Variants in DENND1A observed in about 807,000 individuals in gnomAD.
The protein encoded by DENND1A is DENN domain-containing protein 1A.
Under a neutral mutation model 113.7 loss-of-function variants are expected in DENND1A, and 51 were observed. That is an observed-to-expected ratio of 0.45 (90% confidence interval 0.36 to 0.57). The LOEUF (loss-of-function observed/expected upper bound fraction) is 0.57, where lower values mean the gene tolerates loss of function less well. DENND1A is among the 20% of genes least tolerant of loss of function. The pLI is 0.00. For synonymous variants in DENND1A, 565 were observed against 570.8 expected, an observed-to-expected ratio of 0.99 and a Z score of 0.14; for missense variants, 1,258 against 1,395.9, an observed-to-expected ratio of 0.90 and a Z score of 1.57.
At position 123,393,768 on chromosome 9, in the gene DENND1A, C is replaced by T. The variant is rs934734362; in HGVS notation, c.1632-5910G>A. Reference sequence around the variant, plus strand: ...CAGGTGAATATCTACTTAAAAGCAACGACGATAAGAATTCTTGTTGCCACA... The same window carrying T: ...CAGGTGAATATCTACTTAAAAGCAATGACGATAAGAATTCTTGTTGCCACA... On this transcript the variant is annotated intron_variant, in intron 21 of 23. Transcript: ENST00000394215. Among the ~76,000 whole-genome samples the T allele has an allele frequency of 5.3e-5, 8 of 152,258 alleles. 1 individual carries two copies. In the South Asian group the frequency reaches 6.2e-4, roughly 12 times the overall value.
At chr9:123,803,927 G>C (rs1564301558) in intron 2 of DENND1A, among the ~76,000 whole-genome samples, 1 of 152,120 alleles carries the variant, frequency 6.6e-6, no homozygotes, top group East Asian at 1.9e-4. Flanking sequence ...CCACACCAAT[G>C]ACCTTCTTTT....
At chr9:123,760,516 G>A (rs1404872280) in intron 4 of DENND1A, among the ~76,000 whole-genome samples, 3 of 152,162 alleles carry the variant, frequency 2.0e-5, no homozygotes, top group South Asian at 4.1e-4. Flanking sequence ...CAATTTAAAA[G>A]CAACGTGGTC....
At chr9:123,431,868 A>C (rs763189694) in intron 19 of DENND1A, among the ~76,000 whole-genome samples, 63 of 152,180 alleles carry the variant, frequency 4.1e-4, no homozygotes, top group Non-Finnish European at 6.2e-4. Context: ...TATAGTGCTC[A>C]AGTCCTAGAA....
In DENND1A at chr9:123,620,232, A is replaced by AAAAAAAAAAAAAAAAAAAAAAAAAAAAG. The variant is rs1554916729; in HGVS notation, c.719+10143_719+10144insCTTTTTTTTTTTTTTTTTTTTTTTTTTT. Among the ~76,000 whole-genome samples the AAAAAAAAAAAAAAAAAAAAAAAAAAAAG allele has an allele frequency of 2.5e-4, 29 of 114,402 alleles. 1 individual carries two copies. Among genetic ancestry groups the AAAAAAAAAAAAAAAAAAAAAAAAAAAAG allele is most frequent in the African/African-American group, 6.3e-4 (17 of 26,862 alleles). The allele number at this position is 114,402 out of a possible 152,430, so 75.1% of individuals were successfully genotyped here. A position where few individuals can be genotyped will look rare whatever the true frequency, so the allele number is the denominator to read the frequency against. On this transcript the variant is annotated intron_variant, in intron 10 of 23. Transcript: ENST00000394215. ...CCATCTCAAAAAAAAAAAAAAAAAA[A>AAAAAAAAAAAAAAAAAAAAAAAAAAAAG]AAAAAAGAAAAGAAAAAGAAAAAAA...
chr9:123,467,021 A>T (rs576050261), intron 13 of DENND1A, among the ~76,000 whole-genome samples: 1 of 152,312 alleles, frequency 6.6e-6, no homozygotes, highest in African/African-American at 2.4e-5. Flanking sequence ...ACTGCACTTC[A>T]GCCTGGGTGA....
In DENND1A at chr9:123,671,000, A is replaced by T. The variant is rs541294864; in HGVS notation, c.453+291T>A. Among the ~76,000 whole-genome samples, 9 of 152,272 alleles carry T rather than the reference A, an allele frequency of 5.9e-5. No homozygotes were observed. In the South Asian group the frequency reaches 1.9e-3, roughly 32 times the overall value. ...GGACAGGGACTGAAGAAGCAGGCGG[A>T]GCCAGCTGTCCTATTTCAGCCCAGC... On this transcript the variant is annotated intron_variant, in intron 7 of 23. Transcript: ENST00000394215.
rs138161011 is a variant in DENND1A at position 123,581,776 on chromosome 9, T to C, written c.867+1393A>G. Among the ~76,000 whole-genome samples the C allele has an allele frequency of 2.2e-4, 34 of 152,244 alleles. No individual in the cohort carries two copies. In the East Asian group the frequency reaches 5.4e-3, roughly 24 times the overall value. Reference sequence around the variant, plus strand: ...AAAACACTTCCCCGACCAGGACACATATGAGCACCACATGGCCAGGAACAA... The same window carrying C: ...AAAACACTTCCCCGACCAGGACACACATGAGCACCACATGGCCAGGAACAA... On this transcript the variant is annotated intron_variant, in intron 12 of 23. Coordinates refer to ENST00000394215, the MANE Select transcript of DENND1A (RefSeq NM_001352964.2).
At chr9:123,903,331 C>CAAAAAAAAAAA (rs869154918) in intron 1 of DENND1A, among the ~76,000 whole-genome samples, 48 of 27,020 alleles carry the variant, frequency 1.8e-3, no homozygotes, top group African/African-American at 5.2e-3. Context: ...GACTCCGTCT[C>CAAAAAAAAAAA]AAAAAAAAAA....
intron 12 of DENND1A, among the ~76,000 whole-genome samples, chr9:123,579,372 T>C (rs944429566): frequency 6.6e-6 from 1 of 152,130 alleles, no homozygotes; most frequent in Admixed American, 6.5e-5. Flanking sequence ...CTCTAGGTAA[T>C]GGGAAGTTAT....
intron 4 of DENND1A, among the ~76,000 whole-genome samples, chr9:123,769,012 T>C (rs917785347): frequency 4.6e-5 from 7 of 152,050 alleles, no homozygotes; most frequent in Non-Finnish European, 8.8e-5. Context: ...TTCCCAGAGA[T>C]ACCATTCTTA....
intron 8 of DENND1A, among the ~76,000 whole-genome samples, chr9:123,652,933 G>A (rs1475092159): frequency 2.0e-5 from 3 of 152,058 alleles, no homozygotes; most frequent in Non-Finnish European, 4.4e-5. Context: ...TTTATACAAC[G>A]CTTTCTATAC....
At position 123,583,698 on chromosome 9, in the gene DENND1A, ATC is replaced by A. The variant is rs151123878; in HGVS notation, c.766-430_766-429del. On this transcript the variant is annotated intron_variant, in intron 11 of 23. Transcript: ENST00000394215. The stretch of plus-strand genomic sequence containing the variant: ...CTAATTTAACAAAGGCTACTTGCCC[ATC>A]TCTCTTTTGGATCCTGTCATTCTTG... 2.9e-3 allele frequency among the ~76,000 whole-genome samples: 449 copies of A among 152,332 alleles called. 2 individuals carry two copies. Among genetic ancestry groups the A allele is most frequent in the African/African-American group, 9.1e-3 (380 of 41,584 alleles).
At chr9:123,695,796 A>C (rs1327310780) in intron 5 of DENND1A, among the ~76,000 whole-genome samples, 2 of 152,200 alleles carry the variant, frequency 1.3e-5, no homozygotes, top group Non-Finnish European at 2.9e-5. Flanking sequence ...AACATGACAG[A>C]ATTTCTTTCA....
chr9:123,408,962 G>A (rs1372741023), intron 20 of DENND1A, among the ~76,000 whole-genome samples: 1 of 152,214 alleles, frequency 6.6e-6, no homozygotes, highest in Non-Finnish European at 1.5e-5. Flanking sequence ...GCTACCTGCT[G>A]CTGACTTTGG....
At chr9:123,699,946 C>A (rs1019652505) in intron 5 of DENND1A, among the ~76,000 whole-genome samples, 1 of 152,196 alleles carries the variant, frequency 6.6e-6, no homozygotes, top group Non-Finnish European at 1.5e-5. Context: ...GATCCACCCA[C>A]CTCAGCCTCC....
chr9:123,484,919 T>TG (rs2050665081), intron 13 of DENND1A, among the ~76,000 whole-genome samples: 1 of 152,204 alleles, frequency 6.6e-6, no homozygotes, highest in South Asian at 2.1e-4. Flanking sequence ...ATCCTCCCTC[T>TG]GCGCCCCCTC....
At chr9:123,756,592 G>T (rs1451313912) in intron 5 of DENND1A, among the ~76,000 whole-genome samples, 1 of 152,142 alleles carries the variant, frequency 6.6e-6, no homozygotes, top group Non-Finnish European at 1.5e-5. Context: ...GCAGAAGAGA[G>T]TCGACTTCAC....
chr9:123,408,984 G>C (rs977236572), intron 20 of DENND1A, among the ~76,000 whole-genome samples: 2 of 152,200 alleles, frequency 1.3e-5, no homozygotes, highest in Admixed American at 6.5e-5. Context: ...TTAAGGGGAG[G>C]CTGTTTGGTA....
In DENND1A at chr9:123,583,178, T is replaced by A. The variant is rs1055932389; in HGVS notation, c.858A>T (p.Pro286=). The change falls in exon 12 of 24, where the codon CCA becomes CCT. Residue 286 remains proline, a synonymous_variant. Transcript: ENST00000394215. ...CAAGCTCATTACCTACCACGTCGTTTGGGAGGCTCTGGAGGTCATCGAAGG... is the reference window on the plus strand; with the variant it reads ...CAAGCTCATTACCTACCACGTCGTTAGGGAGGCTCTGGAGGTCATCGAAGG... The part of the protein sequence containing the change: ...ETPFDDLQSL[P]NDVISSLKNR... 16 of 1,609,822 alleles carry A rather than the reference T, an allele frequency of 9.9e-6. No homozygotes were observed. The African/African-American group carries it at 1.9e-4, about 19-fold the overall frequency.
Sources: allele counts gnomAD v4.1 joint callset (sites outside exome capture counted in the v4.1 genomes callset), GRCh38; gene constraint gnomAD v4.1.1; transcripts MANE v1.5; gene names NCBI Gene and HGNC (gene_info 2026-07-23, HGNC 2026-07-21).